Variants in CIMAP1C observed in about 807,000 individuals in gnomAD.
CIMAP1C encodes outer dense fiber of sperm tails 3 like 1.
At chr15:75,727,066 C>T in the CIMAP1C span, 1 of 1,612,420 alleles carries the variant, frequency 6.2e-7, no homozygotes, top group Non-Finnish European at 8.5e-7. Context: ...CAGGCCTGAA[C>T]CCCACCCTCG....
chr15:75,727,386 G>A, the CIMAP1C span: 17 of 1,613,914 alleles, frequency 1.1e-5, no homozygotes, highest in South Asian at 8.8e-5. Flanking sequence ...ATGGCCAAGC[G>A]CTTCGCCTAC....
At chr15:75,726,934 C>T in the CIMAP1C span, 3 of 1,284,036 alleles carry the variant, frequency 2.3e-6, no homozygotes, top group Non-Finnish European at 3.2e-6. Flanking sequence ...TTTGGATGTC[C>T]CTGCCCTGCT....
chr15:75,724,085 G>A, the CIMAP1C span: 2 of 697,274 alleles, frequency 2.9e-6, no homozygotes, highest in Non-Finnish European at 2.6e-6. Context: ...TTCCTTCCCA[G>A]CTTCCTCCGT....
the CIMAP1C span, among the ~76,000 whole-genome samples, chr15:75,724,762 T>G: frequency 2.0e-5 from 3 of 152,200 alleles, no homozygotes; most frequent in Non-Finnish European, 4.4e-5. Flanking sequence ...GCCTCAATAT[T>G]CTGTAAAATG....
At chr15:75,726,959 C>A in the CIMAP1C span, 1 of 1,477,212 alleles carries the variant, frequency 6.8e-7, no homozygotes, top group Non-Finnish European at 9.1e-7. Context: ...AGGTGGTCAG[C>A]CTGAGGTCAC....
chr15:75,725,016 C>G, the CIMAP1C span: 1 of 803,054 alleles, frequency 1.2e-6, no homozygotes, highest in Admixed American at 1.9e-5. Flanking sequence ...AGAACAAATA[C>G]CCCCAATGTT....
At chr15:75,725,150 A>G in the CIMAP1C span, 1 of 1,614,070 alleles carries the variant, frequency 6.2e-7, no homozygotes, top group South Asian at 1.1e-5. Context: ...TGCACGGGCT[A>G]CATAGATCAT....
the CIMAP1C span, chr15:75,726,248 G>A: frequency 5.4e-6 from 5 of 921,462 alleles, no homozygotes; most frequent in Non-Finnish European, 8.6e-6. Flanking sequence ...CTGGGCAGGG[G>A]CAAAGGGTCA....
chr15:75,725,210 C>T, the CIMAP1C span: 3 of 1,611,290 alleles, frequency 1.9e-6, no homozygotes, highest in East Asian at 2.2e-5. Flanking sequence ...AGCCGGCACT[C>T]AGAGAAGCGT....
chr15:75,727,543 C>A, the CIMAP1C span: 3 of 1,570,784 alleles, frequency 1.9e-6, no homozygotes, highest in Non-Finnish European at 2.6e-6. Flanking sequence ...GTGACTGAGG[C>A]CCCTCTTGGG....
At chr15:75,726,093 C>A in the CIMAP1C span, 5 of 1,613,984 alleles carry the variant, frequency 3.1e-6, no homozygotes, top group Non-Finnish European at 1.7e-6. Flanking sequence ...GCCTTGCTAT[C>A]TCTTGGATCC....
the CIMAP1C span, chr15:75,726,011 G>C: frequency 7.5e-7 from 1 of 1,326,408 alleles, no homozygotes; most frequent in African/African-American, 1.4e-5. Context: ...GTGCTCAGTG[G>C]GGCAGCCTTT....
the CIMAP1C span, chr15:75,727,253 TAC>T: frequency 2.5e-6 from 4 of 1,614,166 alleles, no homozygotes; most frequent in South Asian, 2.2e-5. Flanking sequence ...TGCTCCCTGC[TAC>T]AGTCTGGCCT....
At chr15:75,727,139 A>T in the CIMAP1C span, 2 of 1,613,990 alleles carry the variant, frequency 1.2e-6, no homozygotes, top group Non-Finnish European at 1.7e-6. Flanking sequence ...TCCCCAGTAC[A>T]CGTTTGGCTA....
At chr15:75,725,928 A>C in the CIMAP1C span, 3 of 622,344 alleles carry the variant, frequency 4.8e-6, no homozygotes, top group East Asian at 2.8e-5. Context: ...AGATGAGGAA[A>C]TCAAGGGTCC....
chr15:75,726,091 A>G, the CIMAP1C span: 7 of 1,613,720 alleles, frequency 4.3e-6, no homozygotes, highest in African/African-American at 6.7e-5. Flanking sequence ...GGGCCTTGCT[A>G]TCTCTTGGAT....
At chr15:75,725,987 T>G in the CIMAP1C span, 1 of 971,774 alleles carries the variant, frequency 1.0e-6, no homozygotes, top group Non-Finnish European at 1.6e-6. Flanking sequence ...AGATCTTGCC[T>G]GGAGGCAGGC....
At chr15:75,726,962 G>A in the CIMAP1C span, 2 of 1,486,002 alleles carry the variant, frequency 1.3e-6, no homozygotes, top group African/African-American at 1.4e-5. Context: ...TGGTCAGCCT[G>A]AGGTCACAGT....
the CIMAP1C span, chr15:75,726,077 C>A: frequency 6.2e-7 from 1 of 1,613,604 alleles, no homozygotes; most frequent in Admixed American, 1.7e-5. Context: ...GCCACAGCAG[C>A]CCTGGGCCTT....
Sources: gnomAD v4.1 joint callset for allele counts (sites outside exome capture counted in the v4.1 genomes callset) on GRCh38, gnomAD v4.1.1 for gene constraint, MANE v1.5 for transcripts, NCBI Gene and HGNC (gene_info 2026-07-23, HGNC 2026-07-21) for gene names.